The following ABLIM1 variants were observed in gnomAD, a reference collection of about 807,000 sequenced individuals.
ABLIM1 encodes the protein actin-binding LIM protein 1.
Under a neutral mutation model 107.0 loss-of-function variants are expected in ABLIM1, and 40 were observed. The ratio of observed to expected loss-of-function variants is 0.37; its 90% confidence interval spans 0.29 to 0.49. The LOEUF is 0.49. Among genes scored for constraint, ABLIM1 ranks in the 20% least tolerant of loss-of-function variants. The pLI, the probability that ABLIM1 is intolerant of heterozygous loss-of-function variation, is 0.97. For missense variants in ABLIM1, 857 were observed against 1,008.5 expected, an observed-to-expected ratio of 0.85 and a Z score of 2.04; for synonymous variants, 357 against 357.3, an observed-to-expected ratio of 1.00 and a Z score of 0.01.
chr10:114,482,940 T>C (rs989506638), intron 8 of ABLIM1, among the ~76,000 whole-genome samples: 1 of 152,040 alleles, frequency 6.6e-6, no homozygotes, highest in Non-Finnish European at 1.5e-5. Context: ...AGTATACTAC[T>C]GGAAAAAATA....
At chr10:114,795,690 C>A in the ABLIM1 span, among the ~76,000 whole-genome samples, 2 of 144,782 alleles carry the variant, frequency 1.4e-5, no homozygotes, top group African/African-American at 5.2e-5. Context: ...GTCTGGGCAA[C>A]AAGAGCGAGA....
At chr10:114,468,708 G>A (rs1327817606) in intron 10 of ABLIM1, among the ~76,000 whole-genome samples, 1 of 152,082 alleles carries the variant, frequency 6.6e-6, no homozygotes, top group Non-Finnish European at 1.5e-5. Context: ...GCTCAGACAG[G>A]TAGACTCTGA....
intron 1 of ABLIM1, among the ~76,000 whole-genome samples, chr10:114,735,255 A>G (rs1215410842): frequency 6.6e-6 from 1 of 152,210 alleles, no homozygotes; most frequent in Admixed American, 6.5e-5. Flanking sequence ...GAAGAGTCTC[A>G]GTCTAAACAG....
intron 1 of ABLIM1, among the ~76,000 whole-genome samples, chr10:114,614,500 CA>C (rs2077004367): frequency 6.6e-6 from 1 of 152,068 alleles, no homozygotes; most frequent in Admixed American, 6.6e-5. Flanking sequence ...CAAATGTCCT[CA>C]ATATCATTAC....
At chr10:114,563,161 T>C (rs747526839) in intron 4 of ABLIM1, among the ~76,000 whole-genome samples, 7 of 152,260 alleles carry the variant, frequency 4.6e-5, no homozygotes, top group African/African-American at 7.2e-5. Context: ...CTTAGAGCGA[T>C]ATTCAGAAGA....
chr10:114,514,298 C>CAA (rs56189382), intron 6 of ABLIM1, among the ~76,000 whole-genome samples: 3 of 119,982 alleles, frequency 2.5e-5, no homozygotes, highest in Non-Finnish European at 3.8e-5. Context: ...GACTCTGTCT[C>CAA]AAAAAAAAAA....
chr10:114,685,367 G>C (rs571389224), upstream of ABLIM1, among the ~76,000 whole-genome samples: 1 of 152,106 alleles, frequency 6.6e-6, no homozygotes, highest in African/African-American at 2.4e-5. Context: ...AGCAGCACCC[G>C]TTGTGAGATA....
Position 114,658,262 on chromosome 10 carries a change from C to T in ABLIM1, c.-62G>A. 1.3e-6 allele frequency: 2 copies of T among 1,538,632 alleles called. No homozygotes were observed. Among genetic ancestry groups the T allele is most frequent in the Admixed American group, 2.0e-5 (1 of 50,842 alleles). On this transcript the variant is annotated 5_prime_UTR_variant, in exon 1 of 23. Coordinates refer to ENST00000533213, the MANE Select transcript of ABLIM1 (RefSeq NM_002313.7). ...TGGGGACCCAAGGAGCGGTGCTGCC[C>T]CACAATTCTCTCTGTTCCCCTGGCT... is the stretch of plus-strand genomic sequence containing the variant.
At chr10:114,756,034 T>C (rs1382727003) in intron 1 of ABLIM1, among the ~76,000 whole-genome samples, 1 of 152,134 alleles carries the variant, frequency 6.6e-6, no homozygotes. Flanking sequence ...TAAATCCATT[T>C]ATTAAATACT....
At chr10:114,612,334 T>C (rs954574636) in intron 1 of ABLIM1, among the ~76,000 whole-genome samples, 2 of 152,214 alleles carry the variant, frequency 1.3e-5, no homozygotes, top group Non-Finnish European at 2.9e-5. Context: ...GCCTCCACCA[T>C]GGGATAATGC....
chr10:114,453,416 T>C lies in ABLIM1; in HGVS notation c.1509A>G (p.Pro503=). The C allele has an allele frequency of 6.2e-7, 1 of 1,613,654 alleles. No individual in the cohort carries two copies. Among genetic ancestry groups the C allele is most frequent in the Non-Finnish European group, 8.5e-7 (1 of 1,179,832 alleles). ...PYRPDSRPLT[P]TYAQAPKHFH... The stretch of plus-strand genomic sequence containing the variant: ...AATGTTTAGGGGCCTGAGCGTAAGT[T>C]GGAGTTAGAGGGCGGCTGTCTGGCC... Residue 503 remains proline, a synonymous_variant, in exon 13 of 23, where the codon CCA becomes CCG. Transcript: ENST00000533213.
the ABLIM1 span, among the ~76,000 whole-genome samples, chr10:114,781,664 GTA>G: frequency 0.08 from 11,424 of 143,196 alleles, 455 homozygotes; most frequent in Middle Eastern, 0.15. Flanking sequence ...ATATATGCGT[GTA>G]TATATATATA....
At chr10:114,461,591 G>A (rs2063923536) in intron 12 of ABLIM1, among the ~76,000 whole-genome samples, 1 of 152,046 alleles carries the variant, frequency 6.6e-6, no homozygotes, top group South Asian at 2.1e-4. Context: ...GGTCAAGGCG[G>A]GTGGATCACT....
intron 22 of ABLIM1, 75 bp from the exon 23 acceptor site, chr10:114,436,448 T>C: frequency 9.1e-7 from 1 of 1,098,782 alleles, no homozygotes; most frequent in Non-Finnish European, 1.3e-6. Flanking sequence ...CGTTGCTCTA[T>C]AGTTTATACA....
chr10:114,776,474 G>A, the ABLIM1 span, among the ~76,000 whole-genome samples: 2 of 152,062 alleles, frequency 1.3e-5, no homozygotes, highest in Admixed American at 6.6e-5. Flanking sequence ...TTAGCCGGGT[G>A]TGGTGGCACG....
At chr10:114,623,584 G>T (rs17719089) in intron 1 of ABLIM1, among the ~76,000 whole-genome samples, 57,033 of 152,084 alleles carry the variant, frequency 0.38, 12,368 homozygotes, top group Non-Finnish European at 0.5. Context: ...CCACAGAAAC[G>T]ACAGATTACC....
At chr10:114,789,297 AATG>A in the ABLIM1 span, among the ~76,000 whole-genome samples, 2 of 152,134 alleles carry the variant, frequency 1.3e-5, no homozygotes, top group Non-Finnish European at 2.9e-5. Context: ...AAATGCAGAT[AATG>A]ATGTTGACCA....
At chr10:114,623,106 T>C (rs1327303253) in intron 1 of ABLIM1, among the ~76,000 whole-genome samples, 1 of 152,096 alleles carries the variant, frequency 6.6e-6, no homozygotes, top group Non-Finnish European at 1.5e-5. Context: ...ACTACAGGCA[T>C]GCATCACCAT....
intron 8 of ABLIM1, among the ~76,000 whole-genome samples, chr10:114,484,257 A>G (rs1365490265): frequency 1.3e-5 from 2 of 152,192 alleles, no homozygotes; most frequent in African/African-American, 2.4e-5. Context: ...CCCCATCTGT[A>G]AAATGGGAAT....
Sources: gnomAD v4.1 joint callset for allele counts (sites outside exome capture counted in the v4.1 genomes callset) on GRCh38, gnomAD v4.1.1 for gene constraint, MANE v1.5 for transcripts, NCBI Gene and HGNC (gene_info 2026-07-23, HGNC 2026-07-21) for gene names.